The following PRKAR1B variants were observed in gnomAD, a reference collection of about 807,000 sequenced individuals.
The protein encoded by PRKAR1B is protein kinase cAMP-dependent type I regulatory subunit beta, also known as cAMP-dependent protein kinase type I-beta regulatory subunit.
A neutral mutation model predicts 46.5 loss-of-function variants in PRKAR1B; 22 were observed. The ratio of observed to expected loss-of-function variants is 0.47; its 90% confidence interval spans 0.34 to 0.68. The LOEUF is 0.68. Among genes scored for constraint, PRKAR1B ranks in the 30% least tolerant of loss-of-function variants. PRKAR1B has a pLI of 0.01. For missense variants in PRKAR1B, 445 were observed against 535.6 expected, an observed-to-expected ratio of 0.83 and a Z score of 1.67; for synonymous variants, 259 against 217.7, an observed-to-expected ratio of 1.19 and a Z score of -1.67.
chr7:634,207 G>A (rs1416591413), intron 4 of PRKAR1B, among the ~76,000 whole-genome samples: 1 of 151,916 alleles, frequency 6.6e-6, no homozygotes, highest in African/African-American at 2.4e-5. Context: ...ATTTTTAGTA[G>A]AGACGGGGTT....
At chr7:623,127 C>G (rs1322916396) in intron 4 of PRKAR1B, among the ~76,000 whole-genome samples, 1 of 152,214 alleles carries the variant, frequency 6.6e-6, no homozygotes, top group Non-Finnish European at 1.5e-5. Context: ...TGTGTTTAGC[C>G]TCTTCCACTG....
At chr7:715,561 T>A (rs1168611329) in intron 1 of PRKAR1B, among the ~76,000 whole-genome samples, 1 of 152,118 alleles carries the variant, frequency 6.6e-6, no homozygotes, top group Non-Finnish European at 1.5e-5. Flanking sequence ...GGGAAGGACC[T>A]ACCCCCTGGG....
chr7:610,036 C>CCCGCCCTGCCT (rs1316523965), intron 4 of PRKAR1B, among the ~76,000 whole-genome samples: 1 of 152,208 alleles, frequency 6.6e-6, no homozygotes, highest in Admixed American at 6.5e-5. Context: ...AGCCGCTGCA[C>CCCGCCCTGCCT]CCGCCCTGCC....
intron 4 of PRKAR1B, among the ~76,000 whole-genome samples, chr7:665,020 C>T (rs1266059911): frequency 6.6e-6 from 1 of 152,028 alleles, no homozygotes; most frequent in Non-Finnish European, 1.5e-5. Flanking sequence ...ACCTGAGGTT[C>T]TTCTCTCCAC....
chr7:626,328 C>A (rs1783399645), intron 4 of PRKAR1B, among the ~76,000 whole-genome samples: 2 of 152,020 alleles, frequency 1.3e-5, no homozygotes, highest in Admixed American at 6.6e-5. Context: ...CTCATCTCTA[C>A]TAAAAATTTT....
At position 550,144 on chromosome 7, in the gene PRKAR1B, C is replaced by A; in HGVS notation, c.*286G>T. On this transcript the variant is annotated 3_prime_UTR_variant, in exon 11 of 11. Coordinates refer to ENST00000537384, the MANE Select transcript of PRKAR1B (RefSeq NM_001164760.2). ...AGACTGGCAGGGGTGGGGTGGGCCC[C>A]CCAGGAGAAGCCCACAGAGGCAGCC... 2.4e-6 allele frequency: 1 copy of A among 421,812 alleles called. No individual in the cohort carries two copies. The highest frequency in any genetic ancestry group is 2.3e-5 in the South Asian group (1 of 43,150). 26.1% of individuals were successfully genotyped at this position (421,812 alleles called of 1,614,324 possible).
chr7:553,219 T>G (rs767374918), intron 9 of PRKAR1B, among the ~76,000 whole-genome samples: 3 of 152,198 alleles, frequency 2.0e-5, no homozygotes, highest in African/African-American at 7.2e-5. Flanking sequence ...GAAGACACAC[T>G]AGAGAAGCTT....
chr7:560,793 G>T lies in PRKAR1B; in HGVS notation c.892-9323C>A, dbSNP rs149910978. On this transcript the variant is annotated intron_variant, in intron 9 of 10. Transcript: ENST00000537384. This position sits in a 1 kb window ranked among gnomAD's most constrained non-coding sequence, Gnocchi z 4.2. ...CTCCAGGAGTTCCAGCACGTCAAAC[G>T]GGACAGTCATCATGAGGGCGGCGGC... 1.3e-5 allele frequency among the ~76,000 whole-genome samples: 2 copies of T among 152,186 alleles called. No homozygotes were observed. Among genetic ancestry groups the T allele is most frequent in the African/African-American group, 2.4e-5 (1 of 41,438 alleles).
intron 4 of PRKAR1B, among the ~76,000 whole-genome samples, chr7:669,622 G>C (rs1486435658): frequency 6.6e-6 from 1 of 151,780 alleles, no homozygotes; most frequent in African/African-American, 2.4e-5. Context: ...AAATTAGCCA[G>C]GTGTGGTGGC....
chr7:649,697 T>C (rs1192034999), intron 4 of PRKAR1B, among the ~76,000 whole-genome samples: 1 of 152,144 alleles, frequency 6.6e-6, no homozygotes, highest in East Asian at 1.9e-4. Flanking sequence ...CATCTCAGCC[T>C]CCTGAATAGC....
intron 4 of PRKAR1B, among the ~76,000 whole-genome samples, chr7:637,631 C>T (rs1245823340): frequency 6.6e-6 from 1 of 151,690 alleles, no homozygotes; most frequent in Non-Finnish European, 1.5e-5. Flanking sequence ...GTCAGGAGAT[C>T]GAGACCAGCC....
At chr7:725,605 G>C (rs576994286) in intron 1 of PRKAR1B, among the ~76,000 whole-genome samples, 8 of 152,338 alleles carry the variant, frequency 5.3e-5, no homozygotes, top group African/African-American at 1.9e-4. Flanking sequence ...GTTTAACTTT[G>C]AAACAAAGAT....
At chr7:706,129 C>G (rs1780310714) in intron 2 of PRKAR1B, among the ~76,000 whole-genome samples, 1 of 152,092 alleles carries the variant, frequency 6.6e-6, no homozygotes, top group Non-Finnish European at 1.5e-5. Flanking sequence ...AGTTCAAGAC[C>G]AGCCTGGGCA....
At chr7:700,927 C>T (rs1043784074) in intron 2 of PRKAR1B, among the ~76,000 whole-genome samples, 1 of 152,154 alleles carries the variant, frequency 6.6e-6, no homozygotes, top group Non-Finnish European at 1.5e-5. Flanking sequence ...GTGGCTCACG[C>T]CTGTAATCCC....
intron 2 of PRKAR1B, among the ~76,000 whole-genome samples, chr7:700,371 A>G (rs1208270696): frequency 6.6e-6 from 1 of 152,230 alleles, no homozygotes; most frequent in Non-Finnish European, 1.5e-5. Context: ...ACAAACAAAA[A>G]TATCAACATT....
At chr7:691,942 T>A in intron 2 of PRKAR1B, 1 of 805,256 alleles carries the variant, frequency 1.2e-6, no homozygotes, top group Non-Finnish European at 1.6e-6. Context: ...ATCCCCAGGC[T>A]GAATCACTGG....
intron 4 of PRKAR1B, among the ~76,000 whole-genome samples, chr7:655,693 C>T (rs945780397): frequency 6.6e-6 from 1 of 152,200 alleles, no homozygotes; most frequent in Non-Finnish European, 1.5e-5. Context: ...CGGGCAGGGC[C>T]TGGCCTGAAG....
At chr7:554,309 G>A (rs529845675) in intron 9 of PRKAR1B, among the ~76,000 whole-genome samples, 5 of 152,390 alleles carry the variant, frequency 3.3e-5, no homozygotes, top group East Asian at 1.9e-4. Context: ...CAGGAGAGCC[G>A]CTGTGAGCGG....
At chr7:632,875 G>A (rs1037842409) in intron 4 of PRKAR1B, among the ~76,000 whole-genome samples, 10 of 152,046 alleles carry the variant, frequency 6.6e-5, no homozygotes, top group Non-Finnish European at 1.3e-4. Flanking sequence ...AGCCCCCGAC[G>A]GCCGGCACCC....
Sources: allele counts gnomAD v4.1 joint callset (sites outside exome capture counted in the v4.1 genomes callset), GRCh38; gene constraint gnomAD v4.1.1; non-coding constraint Gnocchi (gnomAD v3.1); transcripts MANE v1.5; gene names NCBI Gene and HGNC (gene_info 2026-07-23, HGNC 2026-07-21).